Variants in ALPK2 observed in about 807,000 individuals in gnomAD.
ALPK2 encodes alpha kinase 2, also known as alpha-protein kinase 2.
In ALPK2, 127 loss-of-function variants were observed where a neutral mutation model predicts 163.1. That is an observed-to-expected ratio of 0.78 (90% CI 0.67 to 0.90). ALPK2 has a LOEUF of 0.90. Among genes scored for constraint, ALPK2 ranks in the 40% least tolerant of loss-of-function variants. The pLI is 0.00. For synonymous variants in ALPK2, 953 were observed against 959.1 expected, an observed-to-expected ratio of 0.99 and a Z score of 0.12; for missense variants, 2,360 against 2,589.6, an observed-to-expected ratio of 0.91 and a Z score of 1.92.
At chr18:58,532,386 G>T (rs1478981562) in intron 5 of ALPK2, among the ~76,000 whole-genome samples, 3 of 152,236 alleles carry the variant, frequency 2.0e-5, no homozygotes, top group Admixed American at 6.5e-5. Context: ...GGAAAGGACT[G>T]CAGGGTCAGA....
At chr18:58,554,672 C>A (rs1439394785) in intron 4 of ALPK2, among the ~76,000 whole-genome samples, 1 of 152,212 alleles carries the variant, frequency 6.6e-6, no homozygotes, top group Admixed American at 6.5e-5. Context: ...TAACAGGCTT[C>A]TCTGCCCTCC....
intron 10 of ALPK2, among the ~76,000 whole-genome samples, chr18:58,510,068 G>A (rs2051482250): frequency 6.6e-6 from 1 of 152,180 alleles, no homozygotes; most frequent in African/African-American, 2.4e-5. Flanking sequence ...TATATAAGGT[G>A]TAAGGAAGGG....
chr18:58,545,168 G>C (rs919181123), intron 4 of ALPK2: 2 of 151,370 alleles, frequency 1.3e-5, no homozygotes, highest in East Asian at 3.9e-4. Flanking sequence ...AGTCATCGTC[G>C]AGCTACTGGA....
chr18:58,614,631 C>T (rs1485954358), intron 1 of ALPK2, among the ~76,000 whole-genome samples: 4 of 152,164 alleles, frequency 2.6e-5, no homozygotes, highest in Admixed American at 6.5e-5. Flanking sequence ...AATACCAGCC[C>T]AAGGCTGGTC....
At chr18:58,583,329 G>A (rs2051969175) in intron 3 of ALPK2, among the ~76,000 whole-genome samples, 1 of 151,964 alleles carries the variant, frequency 6.6e-6, no homozygotes, top group Non-Finnish European at 1.5e-5. Flanking sequence ...GGTATAATGA[G>A]GCGCGTCCAA....
At chr18:58,613,698 C>CAAA (rs1223191157) in intron 1 of ALPK2, among the ~76,000 whole-genome samples, 712 of 57,212 alleles carry the variant, frequency 0.012, 10 homozygotes, top group Middle Eastern at 0.032. Flanking sequence ...GACTCCATCT[C>CAAA]AAAAAAAAAA....
intron 10 of ALPK2, among the ~76,000 whole-genome samples, chr18:58,509,345 C>T (rs551602457): frequency 9.9e-5 from 15 of 152,150 alleles, no homozygotes; most frequent in East Asian, 3.9e-4. Flanking sequence ...AATAAACATC[C>T]GTGTGCATGT....
At chr18:58,507,758 C>T (rs1432570788) in intron 10 of ALPK2, among the ~76,000 whole-genome samples, 1 of 152,184 alleles carries the variant, frequency 6.6e-6, no homozygotes, top group Non-Finnish European at 1.5e-5. Context: ...TTCAAGCTGC[C>T]CTTGTTCATT....
At chr18:58,564,848 T>G (rs1602220872) in intron 4 of ALPK2, among the ~76,000 whole-genome samples, 1 of 152,308 alleles carries the variant, frequency 6.6e-6, no homozygotes, top group East Asian at 1.9e-4. Flanking sequence ...AAAAAAATTT[T>G]TTTAAAAGTT....
Position 58,537,668 on chromosome 18 carries a change from G to A in ALPK2, c.2519C>T (p.Thr840Met), listed in dbSNP as rs1390793752. Residue 840 changes from threonine to methionine, a missense_variant, in exon 5 of 13, where the codon ACG (threonine) becomes ATG (methionine). Transcript: ENST00000361673. ...TTTGTTTTGACCTTCTGCCAGTTCCGTATCTACAGAGCAAATTTCTTGAGG... is the reference window on the plus strand; with the variant it reads ...TTTGTTTTGACCTTCTGCCAGTTCCATATCTACAGAGCAAATTTCTTGAGG... The part of the protein sequence containing the change: ...YSPQEICSVD[T>M]ELAEGQNKVS... 9 of 1,613,780 alleles carry A rather than the reference G, an allele frequency of 5.6e-6. No individual in the cohort carries two copies. Among genetic ancestry groups the A allele is most frequent in the South Asian group, 1.1e-5 (1 of 91,066 alleles).
rs984075025 is a variant in ALPK2 at position 58,519,335 on chromosome 18, C to T, written c.5666-2153G>A. On this transcript the variant is annotated intron_variant, in intron 8 of 12. Transcript: ENST00000361673. ...ATATGATTAATTTTAACAATTTGGC[C>T]TCTAATACCACTAACAGAGTATAGG... Among the ~76,000 whole-genome samples the T allele has an allele frequency of 3.9e-5, 6 of 152,262 alleles. No individual in the cohort carries two copies. The East Asian group carries it at 9.6e-4, about 24-fold the overall frequency.
intron 1 of ALPK2, among the ~76,000 whole-genome samples, chr18:58,612,192 C>G (rs115500017): frequency 5.6e-4 from 85 of 152,240 alleles, no homozygotes; most frequent in African/African-American, 1.9e-3. Flanking sequence ...CCCCAGAGCA[C>G]CCAGAGTTCC....
intron 2 of ALPK2, among the ~76,000 whole-genome samples, chr18:58,609,563 A>C (rs2144229886): frequency 6.6e-6 from 1 of 152,268 alleles, no homozygotes; most frequent in South Asian, 2.1e-4. Context: ...CAGGCTGATG[A>C]GGGCTGATTG....
In ALPK2 at chr18:58,524,075, A is replaced by G. The variant is rs2051571479; in HGVS notation, c.5502-13T>C. ...GTTGTCCCCTGCACTGCAATGAGGA[A>G]TATTCACATTGACACACTTCATCAT... On this transcript the variant is annotated splice_polypyrimidine_tract_variant and intron_variant, in intron 6 of 12. Coordinates refer to ENST00000361673, the MANE Select transcript of ALPK2 (RefSeq NM_052947.4). 1.9e-6 allele frequency: 3 copies of G among 1,605,868 alleles called. No homozygotes were observed. Among genetic ancestry groups the G allele is most frequent in the Non-Finnish European group, 2.6e-6 (3 of 1,174,412 alleles).
At chr18:58,524,248 C>T (rs2051572449) in intron 6 of ALPK2, among the ~76,000 whole-genome samples, 186 bp from the exon 7 acceptor site, 1 of 152,244 alleles carries the variant, frequency 6.6e-6, no homozygotes, top group South Asian at 2.1e-4. Context: ...AGAGTCATTA[C>T]ATTTTGGCTA....
At chr18:58,571,680 C>T (rs6566983) in intron 4 of ALPK2, among the ~76,000 whole-genome samples, 80,849 of 151,760 alleles carry the variant, frequency 0.53, 21,668 homozygotes, top group East Asian at 0.7. Flanking sequence ...TGAGAGCCCA[C>T]GTAAAGAAGA....
At chr18:58,502,181 A>ACACACAC (rs1568067744) in intron 11 of ALPK2, among the ~76,000 whole-genome samples, 1 of 112,408 alleles carries the variant, frequency 8.9e-6, no homozygotes, top group African/African-American at 3.4e-5. Flanking sequence ...CACACACACA[A>ACACACAC]AGAAAAAAAA....
At chr18:58,490,819 A>G (rs928397940) in intron 12 of ALPK2, among the ~76,000 whole-genome samples, 1 of 152,194 alleles carries the variant, frequency 6.6e-6, no homozygotes, top group African/African-American at 2.4e-5. Flanking sequence ...TCTGTGAGAC[A>G]GGAGTCCCGA....
At chr18:58,493,024 A>G (rs1362729031) in intron 12 of ALPK2, among the ~76,000 whole-genome samples, 3 of 152,198 alleles carry the variant, frequency 2.0e-5, no homozygotes, top group Non-Finnish European at 4.4e-5. Flanking sequence ...CTGGCCACAT[A>G]AATCAGCCAG....
Sources: gnomAD v4.1 joint callset for allele counts (sites outside exome capture counted in the v4.1 genomes callset) on GRCh38, gnomAD v4.1.1 for gene constraint, MANE v1.5 for transcripts, NCBI Gene and HGNC (gene_info 2026-07-23, HGNC 2026-07-21) for gene names.